Variants in OXR1 observed in about 807,000 individuals in gnomAD.
OXR1 encodes oxidation resistance 1.
OXR1 carries 41 observed loss-of-function variants against 104.6 expected under a neutral mutation model. That is an observed-to-expected ratio of 0.39 (90% CI 0.31 to 0.51). OXR1 has a LOEUF of 0.51. Ranked by LOEUF, OXR1 falls within the 20% of genes least tolerant of loss-of-function variation. The probability of loss-of-function intolerance (pLI) is 0.77; values close to 1 mark genes in which losing one functional copy is unlikely to be tolerated. For missense variants in OXR1, 955 were observed against 1,031.9 expected (o/e 0.93, Z 1.02); for synonymous variants, 348 against 348.4 (o/e 1.00, Z 0.01).
At chr8:106,417,088 AT>A (rs1296060616) in intron 2 of OXR1, among the ~76,000 whole-genome samples, 1 of 152,060 alleles carries the variant, frequency 6.6e-6, no homozygotes, top group Non-Finnish European at 1.5e-5. Flanking sequence ...TGATTAATAA[AT>A]TTTTTAATGT....
At chr8:106,388,289 G>A (rs919074783) in intron 2 of OXR1, among the ~76,000 whole-genome samples, 1 of 152,198 alleles carries the variant, frequency 6.6e-6, no homozygotes, top group African/African-American at 2.4e-5. Flanking sequence ...CCTATAGCAA[G>A]TGCTGGAACA....
chr8:106,647,632 T>C (rs1824194094), intron 3 of OXR1, among the ~76,000 whole-genome samples: 1 of 152,220 alleles, frequency 6.6e-6, no homozygotes, highest in Non-Finnish European at 1.5e-5. Flanking sequence ...CAAAATCTGT[T>C]TGCTTAGTTT....
intron 2 of OXR1, among the ~76,000 whole-genome samples, chr8:106,378,438 C>A (rs529745891): frequency 1.3e-5 from 2 of 152,290 alleles, no homozygotes; most frequent in East Asian, 3.9e-4. Context: ...CTTCAAGGAG[C>A]AGGACTCTAT....
At chr8:106,620,998 G>A (rs1158565431) in intron 3 of OXR1, among the ~76,000 whole-genome samples, 1 of 152,116 alleles carries the variant, frequency 6.6e-6, no homozygotes, top group East Asian at 1.9e-4. Context: ...AAATTAGAAA[G>A]TTTTAAATTA....
At chr8:106,736,249 T>C (rs1439010000) in intron 11 of OXR1, among the ~76,000 whole-genome samples, 1 of 151,332 alleles carries the variant, frequency 6.6e-6, no homozygotes, top group Non-Finnish European at 1.5e-5. Context: ...TTGTATGCTT[T>C]GTTGCTTCAC....
intron 2 of OXR1, among the ~76,000 whole-genome samples, chr8:106,439,198 T>C (rs1485985233): frequency 6.6e-6 from 1 of 151,994 alleles, no homozygotes; most frequent in Non-Finnish European, 1.5e-5. Context: ...TGAGAGGCAA[T>C]AAGGATTAGA....
chr8:106,562,970 G>A (rs1270854379), intron 3 of OXR1, among the ~76,000 whole-genome samples: 2 of 152,168 alleles, frequency 1.3e-5, no homozygotes, highest in Admixed American at 1.3e-4. Context: ...CCTGAAGGAA[G>A]CACTAAATAT....
chr8:106,710,946 A>G (rs1831623679), intron 10 of OXR1, among the ~76,000 whole-genome samples, 156 bp downstream of exon 10: 1 of 152,116 alleles, frequency 6.6e-6, no homozygotes, highest in Non-Finnish European at 1.5e-5. Flanking sequence ...CCTACTTTAT[A>G]ATTTGCCCCA....
intron 2 of OXR1, among the ~76,000 whole-genome samples, chr8:106,425,421 A>G (rs1241672194): frequency 6.6e-6 from 1 of 152,116 alleles, no homozygotes; most frequent in African/African-American, 2.4e-5. Flanking sequence ...TATTTCATAC[A>G]GTCTTATAGA....
At chr8:106,336,510 C>T (rs1396528577) in intron 1 of OXR1, among the ~76,000 whole-genome samples, 2 of 152,250 alleles carry the variant, frequency 1.3e-5, no homozygotes. Context: ...CCCTTTGTAA[C>T]ATATTGCTAC....
chr8:106,310,388 C>T (rs923423528), intron 1 of OXR1, among the ~76,000 whole-genome samples: 1 of 152,088 alleles, frequency 6.6e-6, no homozygotes, highest in Non-Finnish European at 1.5e-5. Context: ...GTTGTCTGCC[C>T]TCCTGTTCCA....
chr8:106,368,444 A>T (rs573513491), intron 2 of OXR1, among the ~76,000 whole-genome samples: 6 of 151,678 alleles, frequency 4.0e-5, no homozygotes, highest in East Asian at 3.9e-4. Context: ...GTTTCTTCTT[A>T]AAAAAATGGG....
In OXR1 at chr8:106,509,915, G is replaced by A. The variant is rs145241245; in HGVS notation, c.24-9028G>A. 5.3e-5 allele frequency among the ~76,000 whole-genome samples: 8 copies of A among 152,178 alleles called. No individual in the cohort carries two copies. The East Asian group carries it at 1.2e-3, about 22-fold the overall frequency. On this transcript the variant is annotated intron_variant, in intron 2 of 16. Transcript: ENST00000517566. ...CCTCCCTGAGTAGCTGGCACTACAG[G>A]TGCACACCACCACGCCCCGCTAATT... is the stretch of plus-strand genomic sequence containing the variant.
Position 106,577,990 on chromosome 8 carries a change from C to T in OXR1, c.220+58851C>T, listed in dbSNP as rs139415378. ...TCCATTGTACCCTGCTCTTCAGAGA[C>T]GCCAGCATTAGTTGGCCGGTGCCCC... is the stretch of plus-strand genomic sequence containing the variant. On this transcript the variant is annotated intron_variant, in intron 3 of 16. Coordinates refer to ENST00000517566, the MANE Select transcript of OXR1 (RefSeq NM_001198533.2). 2.5e-3 allele frequency among the ~76,000 whole-genome samples: 377 copies of T among 152,306 alleles called. 1 individual carries two copies. The highest frequency in any genetic ancestry group is 0.02 in the Middle Eastern group (6 of 294).
At chr8:106,303,932 C>T (rs1813371169) in intron 1 of OXR1, among the ~76,000 whole-genome samples, 2 of 152,132 alleles carry the variant, frequency 1.3e-5, no homozygotes, top group Non-Finnish European at 2.9e-5. Flanking sequence ...AAATTATTAA[C>T]AAATTAATCT....
At chr8:106,333,956 T>C (rs1814844118) in intron 1 of OXR1, among the ~76,000 whole-genome samples, 1 of 152,170 alleles carries the variant, frequency 6.6e-6, no homozygotes, top group Non-Finnish European at 1.5e-5. Context: ...CCTTGGATTT[T>C]CATACGATCT....
chr8:106,711,486 C>T (rs536968094), intron 10 of OXR1, among the ~76,000 whole-genome samples: 1 of 152,250 alleles, frequency 6.6e-6, no homozygotes, highest in South Asian at 2.1e-4. Context: ...TTTTTATCCC[C>T]ATTATAGTTC....
intron 11 of OXR1, among the ~76,000 whole-genome samples, chr8:106,716,738 T>C (rs1299200465): frequency 1.3e-5 from 2 of 152,076 alleles, no homozygotes; most frequent in Non-Finnish European, 2.9e-5. Flanking sequence ...CTGATTAATA[T>C]TGAAGTGATA....
At chr8:106,710,308 G>A (rs766330801) in intron 9 of OXR1, among the ~76,000 whole-genome samples, 3 of 151,506 alleles carry the variant, frequency 2.0e-5, no homozygotes, top group Non-Finnish European at 2.9e-5. Context: ...TTATGTGTGT[G>A]TATATATATA....
Sources: allele counts gnomAD v4.1 joint callset (sites outside exome capture counted in the v4.1 genomes callset), GRCh38; gene constraint gnomAD v4.1.1; transcripts MANE v1.5; gene names NCBI Gene and HGNC (gene_info 2026-07-23, HGNC 2026-07-21).